Variants in GABRB3 observed in about 807,000 individuals in gnomAD.
The protein encoded by GABRB3 is gamma-aminobutyric acid type A receptor subunit beta3.
GABRB3 carries 14 observed loss-of-function variants against 52.1 expected under a neutral mutation model. That is an observed-to-expected ratio of 0.27 (90% CI 0.18 to 0.42). The LOEUF is 0.42. Among genes scored for constraint, GABRB3 ranks in the 10% least tolerant of loss-of-function variants. The pLI, the probability that GABRB3 is intolerant of heterozygous loss-of-function variation, is 1.00. For synonymous variants in GABRB3, 260 were observed against 232.3 expected (o/e 1.12, Z -1.08); for missense variants, 307 against 609.1 (o/e 0.50, Z 5.22).
Position 26,567,663 on chromosome 15 carries a change from A to G in GABRB3, c.753T>C (p.Tyr251=), listed in dbSNP as rs150534186. 1.8e-5 allele frequency: 29 copies of G among 1,614,168 alleles called. No individual in the cohort carries two copies. Among genetic ancestry groups the G allele is most frequent in the Middle Eastern group, 1.6e-4 (1 of 6,062 alleles). Residue 251 remains tyrosine (Y), a synonymous_variant, in exon 7 of 9, where the codon TAT becomes TAC. Transcript: ENST00000311550. The part of the protein sequence containing the change: ...RNIGYFILQT[Y]MPSILITILS... ...GAATCGTTATCAGTATAGAGGGCAT[A>G]TAAGTCTGAAGAATGAAGTATCCAA... is the stretch of plus-strand genomic sequence containing the variant.
intron 3 of GABRB3, among the ~76,000 whole-genome samples, chr15:26,711,648 G>A (rs376962790): frequency 3.9e-5 from 6 of 152,242 alleles, no homozygotes; most frequent in African/African-American, 1.4e-4. Flanking sequence ...AGCAGGACAC[G>A]TCAGAGTAAG....
At chr15:26,722,299 T>C (rs74829653) in intron 3 of GABRB3, among the ~76,000 whole-genome samples, 14,045 of 152,176 alleles carry the variant, frequency 0.092, 925 homozygotes, top group East Asian at 0.31. Flanking sequence ...GAGCAGCAAA[T>C]GACCAAGATC....
intron 4 of GABRB3, chr15:26,613,517 T>C (rs911058308): frequency 4.6e-5 from 7 of 151,958 alleles, no homozygotes; most frequent in African/African-American, 7.2e-5. Flanking sequence ...TTCCAAGGGA[T>C]TGAACACCTA....
At chr15:26,646,930 G>A (rs1325283522) in intron 3 of GABRB3, among the ~76,000 whole-genome samples, 2 of 152,056 alleles carry the variant, frequency 1.3e-5, no homozygotes, top group Non-Finnish European at 2.9e-5. Context: ...TGCAAGGTCC[G>A]CCTCCCGGGT....
rs562913672 is a variant in GABRB3 at position 26,578,268 on chromosome 15, G to A, written c.682+2051C>T. ...CATTTCTTCATGCACAGGTGAATTAGAATAACTTTAAAGTGCAAGCTTTTG... is the reference window on the plus strand; with the variant it reads ...CATTTCTTCATGCACAGGTGAATTAAAATAACTTTAAAGTGCAAGCTTTTG... On this transcript the variant is annotated intron_variant, in intron 6 of 8. Coordinates refer to ENST00000311550, the MANE Select transcript of GABRB3 (RefSeq NM_000814.6). Among the ~76,000 whole-genome samples, 39 of 152,312 alleles carry A rather than the reference G, an allele frequency of 2.6e-4. 1 individual carries two copies. In the South Asian group the frequency reaches 6.4e-3, roughly 25 times the overall value.
intron 4 of GABRB3, among the ~76,000 whole-genome samples, chr15:26,608,180 A>T (rs34276434): frequency 0.49 from 74,508 of 151,418 alleles, 19,460 homozygotes; most frequent in Non-Finnish European, 0.59. Context: ...TACTTTCAAT[A>T]TGATTTTTGC....
chr15:26,741,447 T>G (rs1258546282), intron 3 of GABRB3, among the ~76,000 whole-genome samples: 5 of 152,222 alleles, frequency 3.3e-5, no homozygotes, highest in Admixed American at 2.0e-4. Flanking sequence ...AAGCAACCTA[T>G]GACTTCATCT....
intron 4 of GABRB3, among the ~76,000 whole-genome samples, chr15:26,586,705 A>AAGT (rs10659439): frequency 7.3e-5 from 1 of 13,702 alleles, no homozygotes; most frequent in Non-Finnish European, 6.2e-4. Context: ...AAAAAAAAAA[A>AAGT]GAGAGAGAGA....
chr15:26,704,728 T>C (rs112666244), intron 3 of GABRB3, among the ~76,000 whole-genome samples: 2,780 of 152,346 alleles, frequency 0.018, 99 homozygotes, highest in South Asian at 0.12. Context: ...TCCTACAGCA[T>C]GTATATAATT....
intron 8 of GABRB3, among the ~76,000 whole-genome samples, chr15:26,554,715 C>A (rs1410020610): frequency 6.6e-6 from 1 of 152,214 alleles, no homozygotes; most frequent in Admixed American, 6.5e-5. Context: ...TGCAGAGAGT[C>A]AGATGCTGTC....
chr15:26,619,395 A>T (rs1415924492), intron 4 of GABRB3, among the ~76,000 whole-genome samples: 1 of 151,722 alleles, frequency 6.6e-6, no homozygotes, highest in Non-Finnish European at 1.5e-5. Flanking sequence ...GGAAATCATC[A>T]TTCTCAGTAA....
At chr15:26,637,061 C>G (rs1566786249) in intron 3 of GABRB3, among the ~76,000 whole-genome samples, 1 of 152,206 alleles carries the variant, frequency 6.6e-6, no homozygotes, top group Non-Finnish European at 1.5e-5. Flanking sequence ...CAAAACCCTA[C>G]AGTGGCTCCC....
At chr15:26,714,606 T>G (rs111863451) in intron 3 of GABRB3, among the ~76,000 whole-genome samples, 4,496 of 152,260 alleles carry the variant, frequency 0.03, 112 homozygotes, top group South Asian at 0.087. Flanking sequence ...AGTTTCTGAC[T>G]AGCCTTTCCA....
intron 4 of GABRB3, among the ~76,000 whole-genome samples, chr15:26,606,590 G>A (rs1483564784): frequency 2.0e-5 from 3 of 152,052 alleles, no homozygotes; most frequent in East Asian, 1.9e-4. Context: ...AAGATATTGA[G>A]CAAGAAAGCT....
chr15:26,697,166 T>C (rs933736115), intron 3 of GABRB3, among the ~76,000 whole-genome samples: 2 of 152,172 alleles, frequency 1.3e-5, no homozygotes, highest in African/African-American at 4.8e-5. Context: ...GAAAGTGTAA[T>C]TCTAAGATTT....
At chr15:26,590,386 A>T (rs1315671432) in intron 4 of GABRB3, 1 of 152,200 alleles carries the variant, frequency 6.6e-6, no homozygotes, top group African/African-American at 2.4e-5. Flanking sequence ...ACCACAGCCA[A>T]GGCATTGCTT....
intron 3 of GABRB3, chr15:26,628,903 A>G: frequency 7.1e-7 from 1 of 1,404,530 alleles, no homozygotes; most frequent in Non-Finnish European, 9.7e-7. Context: ...CCGAGCTGGG[A>G]GGTGTGGGGG....
intron 3 of GABRB3, chr15:26,624,659 A>G (rs1809112746): frequency 1.0e-6 from 1 of 985,474 alleles, no homozygotes; most frequent in Non-Finnish European, 1.2e-6. Context: ...GGGAAAAAAC[A>G]GTATGAAAAT....
In GABRB3 at chr15:26,615,895, T is replaced by C. The variant is rs1416708690; in HGVS notation, c.461+5419A>G. The C allele has an allele frequency of 4.7e-6, 6 of 1,268,692 alleles. No homozygotes were observed. The South Asian group carries it at 6.4e-5, about 14-fold the overall frequency. The allele number at this position is 1,268,692 out of a possible 1,614,324, so 78.6% of individuals were successfully genotyped here. The stretch of plus-strand genomic sequence containing the variant: ...CAGTCCAACCAGTATTTCAAGCACA[T>C]AATCAGTAGGAAAGCAATCTCTGCT... On this transcript the variant is annotated intron_variant, in intron 4 of 8. Coordinates refer to ENST00000311550, the MANE Select transcript of GABRB3 (RefSeq NM_000814.6).
Sources: gnomAD v4.1 joint callset for allele counts (sites outside exome capture counted in the v4.1 genomes callset) on GRCh38, gnomAD v4.1.1 for gene constraint, MANE v1.5 for transcripts, NCBI Gene and HGNC (gene_info 2026-07-23, HGNC 2026-07-21) for gene names.